The following ATF7IP variants were observed in gnomAD, a reference collection of about 807,000 sequenced individuals.
The protein encoded by ATF7IP is activating transcription factor 7-interacting protein 1.
Under a neutral mutation model 106.4 loss-of-function variants are expected in ATF7IP, and 23 were observed. The observed-to-expected ratio is 0.22, with a 90% CI of 0.16 to 0.31. The LOEUF is 0.31. Ranked by LOEUF, ATF7IP falls within the 10% of genes least tolerant of loss-of-function variation. ATF7IP has a pLI of 1.00. For missense variants in ATF7IP, 1,334 were observed against 1,524.3 expected, an observed-to-expected ratio of 0.88 and a Z score of 2.08; for synonymous variants, 542 against 539.0, an observed-to-expected ratio of 1.01 and a Z score of -0.08.
At chr12:14,456,447 AT>A (rs1370301887) in intron 6 of ATF7IP, 113 bp from the exon 7 acceptor site, 1 of 668,990 alleles carries the variant, frequency 1.5e-6, no homozygotes, top group African/African-American at 1.8e-5. Flanking sequence ...GTTTCCCATT[AT>A]ATTAGAACAG....
At chr12:14,416,889 A>G (rs368482904) in intron 1 of ATF7IP, 2 of 984,326 alleles carry the variant, frequency 2.0e-6, no homozygotes, top group Non-Finnish European at 2.4e-6. Context: ...CTGTTGATAT[A>G]TTTTTCCTGT....
At chr12:14,494,216 G>A (rs943256110) in intron 13 of ATF7IP, among the ~76,000 whole-genome samples, 1 of 144,382 alleles carries the variant, frequency 6.9e-6, no homozygotes, top group African/African-American at 2.6e-5. Context: ...TTAATATTCT[G>A]TTCCTCTGGA....
intron 1 of ATF7IP, among the ~76,000 whole-genome samples, chr12:14,381,156 A>G (rs1938986529): frequency 1.3e-5 from 2 of 152,188 alleles, no homozygotes; most frequent in African/African-American, 4.8e-5. Context: ...GGTAAATCAG[A>G]TTGGTTCTTA....
intron 1 of ATF7IP, among the ~76,000 whole-genome samples, chr12:14,420,716 C>G (rs1177645566): frequency 6.6e-6 from 1 of 152,196 alleles, no homozygotes. Flanking sequence ...GTGACCTTGT[C>G]TGACTTGAAT....
intron 13 of ATF7IP, among the ~76,000 whole-genome samples, chr12:14,495,229 T>G (rs577927421): frequency 3.0e-4 from 45 of 152,186 alleles, no homozygotes; most frequent in Non-Finnish European, 5.6e-4. Flanking sequence ...TTTGGCAACA[T>G]CCTCACAGGC....
chr12:14,497,340 T>G (rs1434584235), intron 14 of ATF7IP, among the ~76,000 whole-genome samples: 2 of 152,220 alleles, frequency 1.3e-5, no homozygotes, highest in Admixed American at 6.5e-5. Flanking sequence ...ATTATTTTGT[T>G]AGAAATAGAT....
At chr12:14,427,106 C>CAT (rs71741727) in intron 2 of ATF7IP, among the ~76,000 whole-genome samples, 15,844 of 151,824 alleles carry the variant, frequency 0.1, 1,023 homozygotes, top group African/African-American at 0.19. Context: ...ATCTGTATAA[C>CAT]AGAGGTTTTT....
In ATF7IP at chr12:14,494,284, AATATATATATATATATATATATATAT is replaced by A. The variant is rs747194414; in HGVS notation, c.3281-1922_3281-1897del. ...TTCTCTAGGGGGACAGAGCTAATAG[AATATATATATATATATATATATATAT>A]ATATATATATATATATATATATATG... On this transcript the variant is annotated intron_variant, in intron 13 of 14. Transcript: ENST00000261168. 2.5e-3 allele frequency among the ~76,000 whole-genome samples: 132 copies of A among 53,802 alleles called. 6 individuals carry two copies. Among genetic ancestry groups the A allele is most frequent in the South Asian group, 0.022 (29 of 1,318 alleles). 35.3% of individuals were successfully genotyped at this position (53,802 alleles called of 152,430 possible). A position where few individuals can be genotyped will look rare whatever the true frequency, so the allele number is the denominator to read the frequency against.
intron 5 of ATF7IP, among the ~76,000 whole-genome samples, chr12:14,439,269 C>T (rs1942577386): frequency 6.6e-6 from 1 of 152,104 alleles, no homozygotes; most frequent in Admixed American, 6.6e-5. Context: ...GAGTGGTAAA[C>T]CATGTATAGG....
At chr12:14,467,018 TA>T (rs890271546) in intron 10 of ATF7IP, among the ~76,000 whole-genome samples, 4 of 152,088 alleles carry the variant, frequency 2.6e-5, no homozygotes, top group Non-Finnish European at 5.9e-5. Flanking sequence ...TAATCAGAAA[TA>T]CCTTTTGAGG....
In ATF7IP at chr12:14,480,925, A is replaced by C. The variant is rs991294811; in HGVS notation, c.3098-78A>C. 6.2e-5 allele frequency: 80 copies of C among 1,289,162 alleles called. 1 individual carries two copies. The highest frequency in any genetic ancestry group is 8.1e-5 in the Non-Finnish European group (75 of 925,826). 79.9% of individuals were successfully genotyped at this position (1,289,162 alleles called of 1,614,324 possible). On this transcript the variant is annotated intron_variant, in intron 12 of 14. Transcript: ENST00000261168. Reference sequence around the variant, plus strand: ...TTATTAGTTAATTAGATTTTATGCAAAGATAACTGCCATTTAATACTGTTT... The same window carrying C: ...TTATTAGTTAATTAGATTTTATGCACAGATAACTGCCATTTAATACTGTTT...
intron 2 of ATF7IP, among the ~76,000 whole-genome samples, chr12:14,425,759 T>G (rs1284724055): frequency 6.6e-6 from 1 of 152,198 alleles, no homozygotes; most frequent in Non-Finnish European, 1.5e-5. Context: ...GATAACAGTT[T>G]AAGTTAGTAC....
rs2231907 is a variant in ATF7IP at position 14,424,434 on chromosome 12, T to C, written c.519T>C (p.Asp173=). 289 of 1,613,212 alleles carry C rather than the reference T, an allele frequency of 1.8e-4. No individual in the cohort carries two copies. Among genetic ancestry groups the C allele is most frequent in the Non-Finnish European group, 1.4e-5 (17 of 1,179,712 alleles). Residue 173 remains aspartate, a synonymous_variant, in exon 2 of 15, where the codon GAT becomes GAC. Transcript: ENST00000261168. The part of the protein sequence containing the change: ...EPSSSDAASG[D]ATSGDAPSGD... ...CCTCTAGTGATGCTGCCTCTGGTGA[T>C]GCAACCTCTGGTGATGCCCCTTCTG...
rs1334312703 is a variant in ATF7IP, at chr12:14,498,374, C to A, written c.*301C>A. On this transcript the variant is annotated 3_prime_UTR_variant, in exon 15 of 15. Transcript: ENST00000261168. ...GTTTTTCCTTATGTAGGTGTTATTG[C>A]ATTGGAGTCTCCCATTTTCATTCTC... 3 of 273,712 alleles carry A rather than the reference C, an allele frequency of 1.1e-5. No homozygotes were observed. Among genetic ancestry groups the A allele is most frequent in the Non-Finnish European group, 2.1e-5 (3 of 145,418 alleles). 17.0% of individuals were successfully genotyped at this position (273,712 alleles called of 1,614,324 possible). A position where few individuals can be genotyped will look rare whatever the true frequency, so the allele number is the denominator to read the frequency against.
At chr12:14,405,165 G>GTAGTAGAGA (rs138372294) in intron 1 of ATF7IP, among the ~76,000 whole-genome samples, 5,369 of 152,102 alleles carry the variant, frequency 0.035, 133 homozygotes, top group Middle Eastern at 0.054. Context: ...TGTATGCCCA[G>GTAGTAGAGA]TAGTAGAGAT....
In ATF7IP at chr12:14,500,631, T is replaced by G. The variant is rs562808366; in HGVS notation, c.*2558T>G. 1 of 152,328 alleles carries G rather than the reference T, an allele frequency of 6.6e-6. No homozygotes were observed. Among genetic ancestry groups the G allele is most frequent in the South Asian group, 2.1e-4 (1 of 4,830 alleles). The allele number at this position is 152,328 out of a possible 1,614,324, so 9.4% of individuals were successfully genotyped here. A position where few individuals can be genotyped will look rare whatever the true frequency, so the allele number is the denominator to read the frequency against. ...AACTGAAGGCCCATGTTCAAATTGT[T>G]CTTTATTGGGTGTTTTTATGGTCAC... On this transcript the variant is annotated 3_prime_UTR_variant, in exon 15 of 15. Transcript: ENST00000261168.
chr12:14,451,337 C>T (rs1943193839), intron 6 of ATF7IP, among the ~76,000 whole-genome samples: 1 of 151,552 alleles, frequency 6.6e-6, no homozygotes, highest in Non-Finnish European at 1.5e-5. Flanking sequence ...TTTTTTAAAC[C>T]AACTTTTAAG....
intron 1 of ATF7IP, among the ~76,000 whole-genome samples, chr12:14,376,861 G>T (rs1270255092): frequency 6.6e-6 from 1 of 152,084 alleles, no homozygotes; most frequent in Non-Finnish European, 1.5e-5. Context: ...GGAAGGCAGA[G>T]GTTGCAGTGA....
At chr12:14,388,151 G>A (rs1939347891) in intron 1 of ATF7IP, among the ~76,000 whole-genome samples, 1 of 151,616 alleles carries the variant, frequency 6.6e-6, no homozygotes, top group Non-Finnish European at 1.5e-5. Context: ...CTGGGTTCAA[G>A]CCATTCTCCT....
Sources: allele counts gnomAD v4.1 joint callset (sites outside exome capture counted in the v4.1 genomes callset), GRCh38; gene constraint gnomAD v4.1.1; transcripts MANE v1.5; gene names NCBI Gene and HGNC (gene_info 2026-07-23, HGNC 2026-07-21).